The following PPP2R2B variants were observed in gnomAD, a reference collection of about 807,000 sequenced individuals.
PPP2R2B encodes protein phosphatase 2 regulatory subunit Bbeta.
Under a neutral mutation model 46.0 loss-of-function variants are expected in PPP2R2B, and 5 were observed. The ratio of observed to expected loss-of-function variants is 0.11; its 90% confidence interval spans 0.06 to 0.23. The LOEUF (loss-of-function observed/expected upper bound fraction) is 0.23. Among genes scored for constraint, PPP2R2B ranks in the 10% least tolerant of loss-of-function variants. The pLI is 1.00. For synonymous variants in PPP2R2B, 215 were observed against 206.7 expected (o/e 1.04, Z -0.34); for missense variants, 367 against 575.0 (o/e 0.64, Z 3.70).
intron 5 of PPP2R2B, among the ~76,000 whole-genome samples, chr5:146,684,563 G>A (rs1019796142): frequency 6.6e-6 from 1 of 152,170 alleles, no homozygotes; most frequent in Non-Finnish European, 1.5e-5. Flanking sequence ...CACACCACTA[G>A]AAAGAAAGAA....
intron 1 of PPP2R2B, among the ~76,000 whole-genome samples, chr5:147,008,672 C>G (rs560343021): frequency 6.6e-6 from 1 of 152,150 alleles, no homozygotes; most frequent in Non-Finnish European, 1.5e-5. Flanking sequence ...CTCAACCCCA[C>G]CCCCCACTCC....
intron 2 of PPP2R2B, among the ~76,000 whole-genome samples, chr5:146,718,916 G>T (rs1215037062): frequency 6.6e-6 from 1 of 152,202 alleles, no homozygotes; most frequent in Non-Finnish European, 1.5e-5. Flanking sequence ...AAGTGATGCA[G>T]TGAAGGCTGC....
At chr5:146,763,892 T>C (rs1457942297) in intron 2 of PPP2R2B, among the ~76,000 whole-genome samples, 1 of 152,060 alleles carries the variant, frequency 6.6e-6, no homozygotes, top group Non-Finnish European at 1.5e-5. Flanking sequence ...CTGGCTAATT[T>C]TTATATTTTA....
At chr5:146,691,392 A>T in intron 4 of PPP2R2B, 152 bp from the exon 5 acceptor site, 1 of 607,944 alleles carries the variant, frequency 1.6e-6, no homozygotes, top group South Asian at 2.0e-5. Context: ...CATAAATCCC[A>T]TGTCATTTGA....
At chr5:146,774,429 A>G (rs1290969496) in intron 2 of PPP2R2B, among the ~76,000 whole-genome samples, 1 of 152,192 alleles carries the variant, frequency 6.6e-6, no homozygotes, top group Non-Finnish European at 1.5e-5. Context: ...AAAATCAAGG[A>G]AAACCTCTCT....
chr5:146,711,098 AT>A (rs1187457277), intron 2 of PPP2R2B, among the ~76,000 whole-genome samples: 1 of 152,162 alleles, frequency 6.6e-6, no homozygotes, highest in Non-Finnish European at 1.5e-5. Flanking sequence ...AATCATTAGC[AT>A]TTATCACAAT....
At chr5:146,886,818 CT>C (rs34005036) in intron 1 of PPP2R2B, among the ~76,000 whole-genome samples, 3,911 of 150,856 alleles carry the variant, frequency 0.026, 77 homozygotes, top group Non-Finnish European at 0.038. Flanking sequence ...TCATTTTAAA[CT>C]TTTTTAGTAA....
At chr5:146,690,945 G>A (rs912512469) in intron 5 of PPP2R2B, among the ~76,000 whole-genome samples, 183 bp downstream of exon 5, 4 of 152,230 alleles carry the variant, frequency 2.6e-5, no homozygotes, top group Non-Finnish European at 4.4e-5. Flanking sequence ...GTAGTCATTA[G>A]AAGGCTTGGC....
intron 1 of PPP2R2B, among the ~76,000 whole-genome samples, chr5:146,952,716 A>G (rs1269190652): frequency 2.0e-5 from 3 of 152,178 alleles, no homozygotes; most frequent in Non-Finnish European, 4.4e-5. Flanking sequence ...GAAAGGCAGT[A>G]ACACCATCTG....
At chr5:146,615,515 T>TAAAAAAAAAAAAAAAAAAAAAA (rs1364774106) in intron 7 of PPP2R2B, among the ~76,000 whole-genome samples, 7 of 71,002 alleles carry the variant, frequency 9.9e-5, no homozygotes, top group East Asian at 4.3e-4. Context: ...AAAAAAAAAT[T>TAAAAAAAAAAAAAAAAAAAAAA]AAAAAAAAAA....
chr5:146,683,922 CT>C (rs1778329501), intron 5 of PPP2R2B, among the ~76,000 whole-genome samples: 1 of 152,200 alleles, frequency 6.6e-6, no homozygotes, highest in Admixed American at 6.5e-5. Flanking sequence ...CCAGCATTCA[CT>C]TTCAGGGCAG....
chr5:146,752,226 A>G (rs910134866), intron 2 of PPP2R2B, among the ~76,000 whole-genome samples: 20 of 152,172 alleles, frequency 1.3e-4, no homozygotes, highest in African/African-American at 4.8e-4. Context: ...GTTGCCTTGC[A>G]CTTGCCTTGG....
At chr5:146,919,267 GA>G (rs1452740385) in intron 1 of PPP2R2B, 2 of 152,108 alleles carry the variant, frequency 1.3e-5, no homozygotes, top group Non-Finnish European at 2.9e-5. Context: ...TTGTCTTAGA[GA>G]AAAATTTAGT....
intron 7 of PPP2R2B, among the ~76,000 whole-genome samples, chr5:146,624,884 C>T (rs1461362261): frequency 1.3e-5 from 2 of 152,184 alleles, no homozygotes; most frequent in Non-Finnish European, 2.9e-5. Flanking sequence ...CTGTGACCTG[C>T]CAAGCACTGT....
In PPP2R2B at chr5:146,812,791, G is replaced by GTA. The variant is rs1239921320; in HGVS notation, c.70+65210_70+65211insTA. Among the ~76,000 whole-genome samples the GTA allele has an allele frequency of 7.0e-3, 70 of 9,942 alleles. 7 individuals carry two copies. Among genetic ancestry groups the GTA allele is most frequent in the African/African-American group, 0.024 (63 of 2,652 alleles). 6.5% of individuals were successfully genotyped at this position (9,942 alleles called of 152,430 possible). On this transcript the variant is annotated intron_variant, in intron 2 of 9. Transcript: ENST00000394411. The stretch of plus-strand genomic sequence containing the variant: ...TTAATGTGTGTGTGTGTGTATATGT[G>GTA]TGTATATATATATATATATATATAT...
intron 5 of PPP2R2B, among the ~76,000 whole-genome samples, chr5:146,686,539 A>T (rs1660357399): frequency 6.6e-6 from 1 of 152,220 alleles, no homozygotes; most frequent in African/African-American, 2.4e-5. Context: ...GGCACATAGT[A>T]AGCACTCAAT....
At chr5:146,879,246 C>T (rs554010274), upstream of PPP2R2B, 1 of 152,582 alleles carries the variant, frequency 6.6e-6, no homozygotes, top group South Asian at 2.1e-4. Context: ...CTTAAGCCCT[C>T]TAGTAGGAAT....
At chr5:146,627,943 T>C (rs1021912123) in intron 7 of PPP2R2B, among the ~76,000 whole-genome samples, 2 of 151,792 alleles carry the variant, frequency 1.3e-5, no homozygotes, top group Admixed American at 6.6e-5. Flanking sequence ...CACAGAAACA[T>C]CTCAGATTTT....
intron 1 of PPP2R2B, among the ~76,000 whole-genome samples, chr5:146,983,342 G>A (rs975217649): frequency 2.2e-4 from 34 of 151,806 alleles, no homozygotes; most frequent in African/African-American, 6.3e-4. Context: ...CACCACGCCC[G>A]GCTAATTTTT....
Sources: allele counts gnomAD v4.1 joint callset (sites outside exome capture counted in the v4.1 genomes callset), GRCh38; gene constraint gnomAD v4.1.1; transcripts MANE v1.5; gene names NCBI Gene and HGNC (gene_info 2026-07-23, HGNC 2026-07-21).